The following IGSF11 variants were observed in gnomAD, a reference collection of about 807,000 sequenced individuals.
IGSF11 encodes the protein CXADR like 1.
In IGSF11, 22 loss-of-function variants were observed where a neutral mutation model predicts 41.0. The observed-to-expected ratio is 0.54, with a 90% CI of 0.38 to 0.77. The LOEUF (loss-of-function observed/expected upper bound fraction) is 0.77. IGSF11 is among the 30% of genes least tolerant of loss of function. The pLI, the probability that IGSF11 is intolerant of heterozygous loss-of-function variation, is 0.00. For missense variants in IGSF11, 444 were observed against 530.8 expected, an observed-to-expected ratio of 0.84 and a Z score of 1.61; for synonymous variants, 219 against 201.3, an observed-to-expected ratio of 1.09 and a Z score of -0.74.
intron 1 of IGSF11, among the ~76,000 whole-genome samples, chr3:119,043,844 T>C (rs1171353630): frequency 1.3e-5 from 2 of 151,978 alleles, no homozygotes; most frequent in Non-Finnish European, 2.9e-5. Context: ...AGAAGCCCCA[T>C]CCCTAGGGGA....
In IGSF11 at chr3:119,083,126, C is replaced by CTTTTTTTTTT. The variant is rs79620142; in HGVS notation, c.49+22008_49+22017dup. ...TTTTTTCTTTTTCTTTTTCTTTTTT[C>CTTTTTTTTTT]TTTTTTTTTTTTTTTTGGTGTGGGG... is the stretch of plus-strand genomic sequence containing the variant. On this transcript the variant is annotated intron_variant, in intron 1 of 6. Coordinates refer to the IGSF11 transcript ENST00000354673. 2.4e-4 allele frequency among the ~76,000 whole-genome samples: 31 copies of CTTTTTTTTTT among 129,096 alleles called. 1 individual carries two copies. Among genetic ancestry groups the CTTTTTTTTTT allele is most frequent in the African/African-American group, 2.8e-4 (9 of 32,604 alleles). 84.7% of individuals were successfully genotyped at this position (129,096 alleles called of 152,430 possible). A position where few individuals can be genotyped will look rare whatever the true frequency, so the allele number is the denominator to read the frequency against.
At chr3:118,920,183 A>C (rs78356462) in intron 4 of IGSF11, among the ~76,000 whole-genome samples, 3 of 150,194 alleles carry the variant, frequency 2.0e-5, no homozygotes, top group East Asian at 2.0e-4. Context: ...GTGGGTGCAG[A>C]GCACCAGCAT....
intron 1 of IGSF11, among the ~76,000 whole-genome samples, chr3:119,028,881 T>C (rs1187828684): frequency 6.6e-6 from 1 of 152,124 alleles, no homozygotes; most frequent in East Asian, 1.9e-4. Context: ...GAATAAGCTC[T>C]GTGGATTGTA....
intron 1 of IGSF11, among the ~76,000 whole-genome samples, chr3:119,041,397 C>A (rs1363607408): frequency 6.6e-6 from 1 of 152,142 alleles, no homozygotes; most frequent in African/African-American, 2.4e-5. Flanking sequence ...GCCTGGCCAA[C>A]ATGGTGAAAC....
chr3:119,054,281 G>T (rs1941735184), intron 1 of IGSF11, among the ~76,000 whole-genome samples: 1 of 151,892 alleles, frequency 6.6e-6, no homozygotes, highest in African/African-American at 2.4e-5. Context: ...CACAAACTAT[G>T]TATCCAACAA....
At chr3:119,055,977 T>C (rs534766115) in intron 1 of IGSF11, among the ~76,000 whole-genome samples, 1 of 152,262 alleles carries the variant, frequency 6.6e-6, no homozygotes, top group African/African-American at 2.4e-5. Context: ...AAGCAGTGTG[T>C]AGAGGGAAAT....
intron 1 of IGSF11, among the ~76,000 whole-genome samples, chr3:119,126,241 AT>A (rs2077403696): frequency 6.6e-6 from 1 of 152,152 alleles, no homozygotes; most frequent in Non-Finnish European, 1.5e-5. Context: ...AGCCTAACAC[AT>A]TGGCTATGGC....
chr3:118,902,834 CTT>C lies in IGSF11; in HGVS notation c.980_981del (p.Lys327SerfsTer3), dbSNP rs1559864789. On this transcript the variant is annotated frameshift_variant, in exon 7 of 7. Transcript: ENST00000393775. LOFTEE classifies it high-confidence loss of function. The stretch of plus-strand genomic sequence containing the variant: ...CTGACTGACTCTGTGTTTCTATGAA[CTT>C]TTGGATTGTTGCTCCAGTATCGACT... ...YNSRYWSNNP[K>X]VHRNTESVSH... 2 of 1,614,146 alleles carry C rather than the reference CTT, an allele frequency of 1.2e-6. No individual in the cohort carries two copies. Among genetic ancestry groups the C allele is most frequent in the Non-Finnish European group, 1.7e-6 (2 of 1,180,006 alleles).
intron 1 of IGSF11, among the ~76,000 whole-genome samples, chr3:119,050,209 G>C (rs2107432012): frequency 6.6e-6 from 1 of 151,958 alleles, no homozygotes; most frequent in African/African-American, 2.4e-5. Context: ...AGAGTGAACA[G>C]GCAACCTACA....
intron 1 of IGSF11, among the ~76,000 whole-genome samples, chr3:119,091,517 C>T (rs2076759951): frequency 1.3e-5 from 2 of 152,162 alleles, no homozygotes; most frequent in South Asian, 4.1e-4. Flanking sequence ...TGGAATACCA[C>T]ACAGCCATAA....
intron 1 of IGSF11, among the ~76,000 whole-genome samples, chr3:119,085,843 T>C (rs999342104): frequency 1.3e-5 from 2 of 152,196 alleles, no homozygotes; most frequent in African/African-American, 4.8e-5. Context: ...TCCAGGTTCT[T>C]GGCATCTTGA....
At chr3:118,989,614 A>G (rs138351592) in intron 1 of IGSF11, among the ~76,000 whole-genome samples, 1,945 of 152,224 alleles carry the variant, frequency 0.013, 47 homozygotes, top group African/African-American at 0.044. Context: ...TCGGCCTCCC[A>G]AACTGCTGAG....
At chr3:118,944,656 T>G (rs1427601819) in intron 1 of IGSF11, among the ~76,000 whole-genome samples, 3 of 152,158 alleles carry the variant, frequency 2.0e-5, no homozygotes, top group Non-Finnish European at 2.9e-5. Flanking sequence ...GAGGCCTTTC[T>G]CAATTTGATT....
chr3:119,110,292 T>C (rs1372830759), intron 1 of IGSF11, among the ~76,000 whole-genome samples: 13 of 152,034 alleles, frequency 8.6e-5, no homozygotes, highest in South Asian at 6.2e-4. Context: ...GGTGCATATA[T>C]ATTTAGGATA....
At chr3:118,935,373 T>TACAC (rs1369215859) in intron 1 of IGSF11, among the ~76,000 whole-genome samples, 4 of 112,948 alleles carry the variant, frequency 3.5e-5, no homozygotes, top group African/African-American at 1.7e-4. Flanking sequence ...CCCTGAGATA[T>TACAC]ATACACACAC....
At chr3:119,095,184 G>A (rs2076830425) in intron 1 of IGSF11, among the ~76,000 whole-genome samples, 2 of 152,118 alleles carry the variant, frequency 1.3e-5, no homozygotes, top group African/African-American at 4.8e-5. Flanking sequence ...ACTTGGGATG[G>A]TTCATGCTCG....
At chr3:118,920,996 C>A (rs1941722970) in intron 4 of IGSF11, among the ~76,000 whole-genome samples, 1 of 152,148 alleles carries the variant, frequency 6.6e-6, no homozygotes, top group Non-Finnish European at 1.5e-5. Flanking sequence ...TCCATTCCCT[C>A]TACCTGGAAT....
At chr3:118,953,145 T>A (rs967434015) in intron 1 of IGSF11, among the ~76,000 whole-genome samples, 3 of 152,124 alleles carry the variant, frequency 2.0e-5, no homozygotes, top group African/African-American at 7.2e-5. Flanking sequence ...TGAGAACACA[T>A]GATGTTTTTC....
At position 119,137,915 on chromosome 3, in the gene IGSF11, C is replaced by T. The variant is rs183201167; in HGVS notation, c.-14+7898G>A. ...GGGCAAAAGATCCAAATACACATTT[C>T]TCAAAAGAAGACATACAAATGGCAA... is the stretch of plus-strand genomic sequence containing the variant. On this transcript the variant is annotated intron_variant, in intron 1 of 7. Transcript: ENST00000425327. 3.8e-3 allele frequency among the ~76,000 whole-genome samples: 582 copies of T among 152,192 alleles called. 3 individuals carry two copies. The highest frequency in any genetic ancestry group is 6.5e-3 in the Non-Finnish European group (441 of 68,014).
Sources: gnomAD v4.1 joint callset for allele counts (sites outside exome capture counted in the v4.1 genomes callset) on GRCh38, gnomAD v4.1.1 for gene constraint, MANE v1.5 for transcripts, NCBI Gene and HGNC (gene_info 2026-07-23, HGNC 2026-07-21) for gene names.